The following SGCZ variants were observed in gnomAD, a reference collection of about 807,000 sequenced individuals.
SGCZ encodes the protein sarcoglycan zeta.
A neutral mutation model predicts 41.3 loss-of-function variants in SGCZ; 40 were observed. The observed-to-expected ratio is 0.97, with a 90% confidence interval of 0.75 to 1.26. SGCZ has a LOEUF of 1.26. SGCZ is among the 50% of genes most tolerant of loss of function. The pLI, the probability that SGCZ is intolerant of heterozygous loss-of-function variation, is 0.00. For synonymous variants in SGCZ, 206 were observed against 137.5 expected, an observed-to-expected ratio of 1.50 and a Z score of -3.49; for missense variants, 552 against 369.8, an observed-to-expected ratio of 1.49 and a Z score of -4.04.
At chr8:14,889,137 T>A (rs1264038976) in intron 1 of SGCZ, among the ~76,000 whole-genome samples, 2 of 152,126 alleles carry the variant, frequency 1.3e-5, no homozygotes, top group Non-Finnish European at 2.9e-5. Context: ...TTAAACCATT[T>A]AATTTCCTAC....
chr8:14,249,419 C>A (rs974608311), intron 3 of SGCZ, among the ~76,000 whole-genome samples: 3 of 152,030 alleles, frequency 2.0e-5, no homozygotes, highest in Non-Finnish European at 4.4e-5. Flanking sequence ...TATAATAAAT[C>A]TCTTTATTTA....
At chr8:14,682,986 A>C (rs1808497279) in intron 1 of SGCZ, among the ~76,000 whole-genome samples, 2 of 152,194 alleles carry the variant, frequency 1.3e-5, no homozygotes, top group African/African-American at 4.8e-5. Flanking sequence ...GGGTGGCCAT[A>C]GAAGATGACC....
chr8:14,408,804 C>T (rs1451306141), intron 2 of SGCZ, among the ~76,000 whole-genome samples: 1 of 152,006 alleles, frequency 6.6e-6, no homozygotes, highest in Non-Finnish European at 1.5e-5. Context: ...TGTTTGTATT[C>T]AGTTGGCTAA....
chr8:15,104,614 A>G (rs916220464), intron 1 of SGCZ, among the ~76,000 whole-genome samples: 3 of 152,220 alleles, frequency 2.0e-5, no homozygotes, highest in Non-Finnish European at 4.4e-5. Context: ...CACATAAACT[A>G]TTCTGTAAGT....
intron 4 of SGCZ, among the ~76,000 whole-genome samples, chr8:14,222,427 C>T (rs1181008848): frequency 6.6e-6 from 1 of 152,054 alleles, no homozygotes; most frequent in East Asian, 1.9e-4. Context: ...CTCCGCCTCC[C>T]AAAGTGCTAA....
intron 3 of SGCZ, among the ~76,000 whole-genome samples, chr8:14,286,558 T>C (rs935235775): frequency 6.6e-6 from 1 of 152,144 alleles, no homozygotes. Flanking sequence ...TATCTAACAA[T>C]ATACCAGATA....
intron 2 of SGCZ, among the ~76,000 whole-genome samples, chr8:14,402,752 G>C (rs1342079583): frequency 6.8e-6 from 1 of 146,902 alleles, no homozygotes; most frequent in Non-Finnish European, 1.5e-5. Flanking sequence ...TTTTGGCTTA[G>C]GATTGACTTG....
chr8:14,929,727 T>C, intron 1 of SGCZ, among the ~76,000 whole-genome samples: 1 of 151,978 alleles, frequency 6.6e-6, no homozygotes, highest in East Asian at 1.9e-4. Flanking sequence ...ACAGCAGTGG[T>C]ATGAATGCAG....
intron 1 of SGCZ, among the ~76,000 whole-genome samples, chr8:15,015,502 A>T (rs1329940947): frequency 6.6e-6 from 1 of 151,998 alleles, no homozygotes; most frequent in Non-Finnish European, 1.5e-5. Context: ...GATGCAGACC[A>T]CGGTGAAACC....
intron 4 of SGCZ, among the ~76,000 whole-genome samples, chr8:14,231,657 G>T (rs573479269): frequency 1.3e-5 from 2 of 152,004 alleles, no homozygotes; most frequent in Non-Finnish European, 1.5e-5. Flanking sequence ...TATGAATCCA[G>T]CATTCTTTAA....
At chr8:14,874,632 T>C (rs1457683113) in intron 1 of SGCZ, among the ~76,000 whole-genome samples, 1 of 152,164 alleles carries the variant, frequency 6.6e-6, no homozygotes, top group Non-Finnish European at 1.5e-5. Flanking sequence ...TTGCCTTTCT[T>C]AAATTCAGTG....
intron 1 of SGCZ, among the ~76,000 whole-genome samples, chr8:14,810,619 G>C (rs1801709928): frequency 1.3e-5 from 2 of 151,984 alleles, no homozygotes; most frequent in South Asian, 2.1e-4. Flanking sequence ...AACAACATCA[G>C]TTCATTGGAT....
intron 1 of SGCZ, among the ~76,000 whole-genome samples, chr8:14,893,380 G>A (rs567083093): frequency 3.9e-5 from 6 of 152,104 alleles, no homozygotes; most frequent in East Asian, 1.9e-4. Flanking sequence ...TGAGAGCCAC[G>A]TCAAACTTCT....
intron 1 of SGCZ, among the ~76,000 whole-genome samples, chr8:15,113,053 ACAAAAATTAGC>A (rs1807130533): frequency 6.6e-6 from 1 of 152,066 alleles, no homozygotes; most frequent in South Asian, 2.1e-4. Flanking sequence ...CACAAAAAAT[ACAAAAATTAGC>A]CAGATGTGGT....
intron 3 of SGCZ, among the ~76,000 whole-genome samples, chr8:14,241,666 C>T (rs1395960842): frequency 6.6e-6 from 1 of 151,900 alleles, no homozygotes; most frequent in Non-Finnish European, 1.5e-5. Context: ...GAACTTGCCT[C>T]TAGCTCTAGA....
chr8:14,140,055 G>A (rs1016308984), intron 5 of SGCZ, among the ~76,000 whole-genome samples: 2 of 150,130 alleles, frequency 1.3e-5, no homozygotes, highest in Non-Finnish European at 3.0e-5. Context: ...AGACGTAACA[G>A]AACCAAAGAT....
intron 1 of SGCZ, among the ~76,000 whole-genome samples, chr8:14,564,069 T>C (rs1804285147): frequency 6.6e-6 from 1 of 152,150 alleles, no homozygotes; most frequent in South Asian, 2.1e-4. Context: ...GTGTTCCCTG[T>C]TATGGGAAAT....
intron 2 of SGCZ, among the ~76,000 whole-genome samples, chr8:14,517,850 G>A (rs1485448491): frequency 6.6e-6 from 1 of 151,430 alleles, no homozygotes; most frequent in Non-Finnish European, 1.5e-5. Context: ...CACATTTTAT[G>A]TAGTATTATC....
At chr8:14,291,100 G>A (rs1268449349) in intron 3 of SGCZ, among the ~76,000 whole-genome samples, 2 of 152,064 alleles carry the variant, frequency 1.3e-5, no homozygotes, top group African/African-American at 4.8e-5. Flanking sequence ...TATCACTCAT[G>A]TGTGGAATCT....
Sources: allele counts gnomAD v4.1 joint callset (sites outside exome capture counted in the v4.1 genomes callset), GRCh38; gene constraint gnomAD v4.1.1; transcripts MANE v1.5; gene names NCBI Gene and HGNC (gene_info 2026-07-23, HGNC 2026-07-21).